The following FUT8 variants were observed in gnomAD, a reference collection of about 807,000 sequenced individuals.
FUT8 encodes the protein alpha-(1,6)-fucosyltransferase.
In FUT8, 29 loss-of-function variants were observed where a neutral mutation model predicts 71.3. That is an observed-to-expected ratio of 0.41 (90% CI 0.30 to 0.55). The LOEUF is 0.55. Among genes scored for constraint, FUT8 ranks in the 20% least tolerant of loss-of-function variants. The pLI is 0.34. For synonymous variants in FUT8, 254 were observed against 239.3 expected (o/e 1.06, Z -0.57); for missense variants, 544 against 702.1 (o/e 0.77, Z 2.55).
At chr14:65,653,003 G>C (rs772561745) in intron 6 of FUT8, among the ~76,000 whole-genome samples, 1 of 152,196 alleles carries the variant, frequency 6.6e-6, no homozygotes, top group African/African-American at 2.4e-5. Context: ...TCCAAAGGTA[G>C]TCACTTCAAG....
intron 3 of FUT8, among the ~76,000 whole-genome samples, chr14:65,588,749 T>C (rs1467458331): frequency 1.3e-5 from 2 of 152,190 alleles, no homozygotes; most frequent in African/African-American, 4.8e-5. Context: ...AAGACCACAT[T>C]CACCTAACAT....
In FUT8 at chr14:65,620,362, T is replaced by G. The variant is rs576798571; in HGVS notation, c.482+3989T>G. Reference sequence around the variant, plus strand: ...CAGTAATATATAGGGCAGCTGTGCTTAGACTAAATTGTGTTCTCCAAATAG... The same window carrying G: ...CAGTAATATATAGGGCAGCTGTGCTGAGACTAAATTGTGTTCTCCAAATAG... On this transcript the variant is annotated intron_variant, in intron 5 of 10. Transcript: ENST00000673929. 2.0e-4 allele frequency among the ~76,000 whole-genome samples: 31 copies of G among 152,294 alleles called. No individual in the cohort carries two copies. The South Asian group carries it at 5.8e-3, about 29-fold the overall frequency.
intron 7 of FUT8, among the ~76,000 whole-genome samples, chr14:65,677,114 TTGTGTGTG>T (rs1555383258): frequency 0.018 from 2,004 of 110,268 alleles, 29 homozygotes; most frequent in Non-Finnish European, 0.027. Flanking sequence ...AAAGACATAT[TTGTGTGTG>T]TGTGTGTGTG....
chr14:65,478,917 A>T (rs531670817), intron 2 of FUT8, among the ~76,000 whole-genome samples: 35 of 152,348 alleles, frequency 2.3e-4, no homozygotes, highest in Admixed American at 1.8e-3. Context: ...TAAACAACAA[A>T]GGAACATAAA....
At chr14:65,739,887 A>G (rs141046476) in intron 10 of FUT8, among the ~76,000 whole-genome samples, 1 of 152,180 alleles carries the variant, frequency 6.6e-6, no homozygotes, top group East Asian at 1.9e-4. Context: ...TAATGATAGA[A>G]TTTTATGGGG....
chr14:65,660,829 T>C lies in FUT8; in HGVS notation c.598-8414T>C, dbSNP rs117940295. 3.9e-4 allele frequency among the ~76,000 whole-genome samples: 59 copies of C among 152,336 alleles called. 1 individual carries two copies. In the East Asian group the frequency reaches 6.7e-3, roughly 17 times the overall value. On this transcript the variant is annotated intron_variant, in intron 6 of 10. Coordinates refer to ENST00000673929, the MANE Select transcript of FUT8 (RefSeq NM_001371533.1). The surrounding 1 kb of genome is among the most constrained non-coding windows in gnomAD (Gnocchi z 4.1). ...CATTTTAATTACCACAATGGAGTAC[T>C]TCAGTTCTCTTATTTGCTTCATTAC...
intron 4 of FUT8, 52 bp from the exon 5 acceptor site, chr14:65,616,159 T>C (rs1594821376): frequency 1.9e-6 from 3 of 1,594,812 alleles, no homozygotes; most frequent in East Asian, 2.2e-5. Context: ...ATTGAAAGTT[T>C]CCTTTTATCA....
At position 65,729,183 on chromosome 14, in the gene FUT8, G is replaced by A. The variant is rs117722320; in HGVS notation, c.1260-4048G>A. On this transcript the variant is annotated intron_variant, in intron 9 of 10. Transcript: ENST00000673929. ...TGGGACCATTGGCATGCAGCATCAT[G>A]CCCAGCTAATTTTTTATGGTAGAGA... Among the ~76,000 whole-genome samples, 5 of 151,194 alleles carry A rather than the reference G, an allele frequency of 3.3e-5. No homozygotes were observed. In the East Asian group the frequency reaches 9.9e-4, roughly 30 times the overall value.
chr14:65,482,495 T>A (rs2066347082), intron 2 of FUT8, among the ~76,000 whole-genome samples: 1 of 152,186 alleles, frequency 6.6e-6, no homozygotes, highest in Non-Finnish European at 1.5e-5. Context: ...AGGATAGACA[T>A]AAAGCCAACT....
chr14:65,374,975 G>T, the FUT8 span, among the ~76,000 whole-genome samples: 1 of 152,014 alleles, frequency 6.6e-6, no homozygotes, highest in African/African-American at 2.4e-5. Context: ...TAAGGTCAGG[G>T]TTTACTGTTG....
At chr14:65,542,709 T>G (rs1353883579) in intron 2 of FUT8, among the ~76,000 whole-genome samples, 1 of 152,230 alleles carries the variant, frequency 6.6e-6, no homozygotes, top group African/African-American at 2.4e-5. Flanking sequence ...CCTTTGAATC[T>G]ATTGTTCTTT....
intron 6 of FUT8, among the ~76,000 whole-genome samples, chr14:65,633,365 G>A (rs1462459515): frequency 2.0e-5 from 3 of 152,060 alleles, no homozygotes; most frequent in African/African-American, 7.2e-5. Flanking sequence ...ATCTCGGCTC[G>A]CTACAACCTC....
In FUT8 at chr14:65,612,075, G is replaced by T. The variant is rs550869314; in HGVS notation, c.204-3903G>T. ...TGATTCTAACATCTGTGTCAGTTTT[G>T]AGTTGGTTTTGATAGATTGATTTCA... On this transcript the variant is annotated intron_variant, in intron 3 of 10. Coordinates refer to ENST00000673929, the MANE Select transcript of FUT8 (RefSeq NM_001371533.1). 4.0e-3 allele frequency among the ~76,000 whole-genome samples: 603 copies of T among 152,236 alleles called. 5 individuals are homozygous for T. Among genetic ancestry groups the T allele is most frequent in the Non-Finnish European group, 6.5e-3 (445 of 68,000 alleles).
the FUT8 span, among the ~76,000 whole-genome samples, chr14:65,405,331 T>G: frequency 6.6e-6 from 1 of 152,084 alleles, no homozygotes; most frequent in East Asian, 1.9e-4. Flanking sequence ...TATCCAGAAA[T>G]GGGGATTTGT....
chr14:65,633,921 TG>T (rs1385882354), intron 6 of FUT8, among the ~76,000 whole-genome samples: 2 of 148,188 alleles, frequency 1.3e-5, no homozygotes, highest in Non-Finnish European at 3.0e-5. Context: ...CCCGGCCAGC[TG>T]CCCCGTCCGG....
chr14:65,740,788 C>T (rs1377771946), intron 10 of FUT8, among the ~76,000 whole-genome samples: 2 of 151,960 alleles, frequency 1.3e-5, no homozygotes, highest in Admixed American at 1.3e-4. Flanking sequence ...GATCCAATCA[C>T]CTCCCACCAG....
intron 6 of FUT8, among the ~76,000 whole-genome samples, chr14:65,632,398 A>AT (rs1416473902): frequency 6.6e-6 from 1 of 152,054 alleles, no homozygotes; most frequent in East Asian, 1.9e-4. Context: ...CTGTTTTTTG[A>AT]TTTTTTGATA....
the FUT8 span, among the ~76,000 whole-genome samples, chr14:65,396,551 C>A: frequency 6.6e-6 from 1 of 152,188 alleles, no homozygotes; most frequent in East Asian, 1.9e-4. This position sits in a 1 kb window ranked among gnomAD's most constrained non-coding sequence, Gnocchi z 5.5. Context: ...GGGGAAACCA[C>A]CTTCATGATT....
At chr14:65,463,245 A>G (rs1281904816) in intron 2 of FUT8, among the ~76,000 whole-genome samples, 1 of 152,162 alleles carries the variant, frequency 6.6e-6, no homozygotes, top group East Asian at 1.9e-4. Flanking sequence ...GTCAATTAAA[A>G]GAGTAGGAGA....
Sources: allele counts gnomAD v4.1 joint callset (sites outside exome capture counted in the v4.1 genomes callset), GRCh38; gene constraint gnomAD v4.1.1; non-coding constraint Gnocchi (gnomAD v3.1); transcripts MANE v1.5; gene names NCBI Gene and HGNC (gene_info 2026-07-23, HGNC 2026-07-21).